The following NECTIN1 variants were observed in gnomAD, a reference collection of about 807,000 sequenced individuals.
NECTIN1 encodes nectin-1.
NECTIN1 carries 23 observed loss-of-function variants against 48.0 expected under a neutral mutation model. The observed-to-expected ratio is 0.48, with a 90% confidence interval of 0.34 to 0.68. NECTIN1 has a LOEUF of 0.68. Ranked by LOEUF, NECTIN1 falls within the 30% of genes least tolerant of loss-of-function variation. The pLI is 0.01. For missense variants in NECTIN1, 591 were observed against 709.9 expected, an observed-to-expected ratio of 0.83 and a Z score of 1.90; for synonymous variants, 270 against 288.9, an observed-to-expected ratio of 0.93 and a Z score of 0.66.
Position 119,669,492 on chromosome 11 carries a change from T to C in NECTIN1, c.1004-4195A>G, listed in dbSNP as rs1411457971. ...ACCACCCTGATCCAAGATACTCTCATCTTTCATCTGGATTATTGATTGCAA... is the reference window on the plus strand; with the variant it reads ...ACCACCCTGATCCAAGATACTCTCACCTTTCATCTGGATTATTGATTGCAA... On this transcript the variant is annotated intron_variant, in intron 5 of 5. Transcript: ENST00000264025. 2.6e-5 allele frequency among the ~76,000 whole-genome samples: 4 copies of C among 151,978 alleles called. No homozygotes were observed. In the South Asian group the frequency reaches 8.3e-4, roughly 32 times the overall value.
In NECTIN1 at chr11:119,664,674, TG is replaced by T; in HGVS notation, c.*72del. ...TCTGTTCAGCTCCTGGAGTGGGAGG[TG>T]GGGGGTGGGCAGGGGGCGTGCGGGG... On this transcript the variant is annotated 3_prime_UTR_variant, in exon 6 of 6. Coordinates refer to ENST00000264025, the MANE Select transcript of NECTIN1 (RefSeq NM_002855.5). The T allele has an allele frequency of 8.9e-6, 6 of 674,856 alleles. No homozygotes were observed. Among genetic ancestry groups the T allele is most frequent in the South Asian group, 2.1e-5 (1 of 48,228 alleles). 41.8% of individuals were successfully genotyped at this position (674,856 alleles called of 1,614,324 possible).
At chr11:119,686,676 C>T (rs1865162213) in intron 1 of NECTIN1, among the ~76,000 whole-genome samples, 1 of 152,164 alleles carries the variant, frequency 6.6e-6, no homozygotes, top group Admixed American at 6.5e-5. Context: ...AGGTTGCTGC[C>T]TCGGCGAAAA....
intron 1 of NECTIN1, among the ~76,000 whole-genome samples, chr11:119,698,301 C>T (rs1049656639): frequency 1.1e-4 from 16 of 152,258 alleles, no homozygotes; most frequent in Admixed American, 5.9e-4. Flanking sequence ...ACCCCCGACA[C>T]TGGCAAGGTT....
chr11:119,723,816 G>A (rs147280542), intron 1 of NECTIN1, among the ~76,000 whole-genome samples: 15 of 152,224 alleles, frequency 9.9e-5, no homozygotes, highest in East Asian at 3.9e-4. Context: ...AAGGTGATCC[G>A]TGCTCAGATC....
Position 119,677,050 on chromosome 11 carries a change from G to T in NECTIN1, c.851+52C>A. 6.7e-7 allele frequency: 1 copy of T among 1,491,488 alleles called. No homozygotes were observed. The highest frequency in any genetic ancestry group is 9.4e-7 in the Non-Finnish European group (1 of 1,068,554). 92.4% of individuals were successfully genotyped at this position (1,491,488 alleles called of 1,614,324 possible). On this transcript the variant is annotated intron_variant, in intron 4 of 5. Coordinates refer to ENST00000264025, the MANE Select transcript of NECTIN1 (RefSeq NM_002855.5). This position sits in a 1 kb window ranked among gnomAD's most constrained non-coding sequence, Gnocchi z 5.4. ...GTAGGATGGTTGCCCCTCATCACCC[G>T]TGGTCCAGTCAGCTGTCTTCCAAGG...
In NECTIN1 at chr11:119,676,009, GA is replaced by G. The variant is rs33954161; in HGVS notation, c.852-700del. Among the ~76,000 whole-genome samples the G allele has an allele frequency of 5.5e-3, 785 of 143,240 alleles. 7 individuals carry two copies. Among genetic ancestry groups the G allele is most frequent in the Non-Finnish European group, 8.4e-3 (548 of 65,018 alleles). 94.0% of individuals were successfully genotyped at this position (143,240 alleles called of 152,430 possible). A position where few individuals can be genotyped will look rare whatever the true frequency, so the allele number is the denominator to read the frequency against. On this transcript the variant is annotated intron_variant, in intron 4 of 5. Coordinates refer to ENST00000264025, the MANE Select transcript of NECTIN1 (RefSeq NM_002855.5). ...TGACAGAGTGAAAATCCGTCTCAAAGAAAAAAAAAAAAATAATAATACAGAT... is the reference window on the plus strand; with the variant it reads ...TGACAGAGTGAAAATCCGTCTCAAAGAAAAAAAAAAAATAATAATACAGAT...
intron 5 of NECTIN1, among the ~76,000 whole-genome samples, chr11:119,644,880 G>A (rs556370461): frequency 2.6e-5 from 4 of 152,274 alleles, no homozygotes; most frequent in African/African-American, 7.2e-5. Context: ...GGCAGAGCAT[G>A]CTCAGAGGTT....
intron 4 of NECTIN1, chr11:119,675,669 C>T (rs550735928): frequency 3.8e-4 from 103 of 272,786 alleles, no homozygotes; most frequent in African/African-American, 1.8e-3. Flanking sequence ...TTTCCATTCA[C>T]GTCTCATGGT....
chr11:119,685,610 C>T (rs981678587), intron 1 of NECTIN1, among the ~76,000 whole-genome samples: 1 of 152,236 alleles, frequency 6.6e-6, no homozygotes, highest in African/African-American at 2.4e-5. Context: ...GTCCTGCAGG[C>T]CTGTTTCATG....
chr11:119,721,974 G>A (rs746248147), intron 1 of NECTIN1, among the ~76,000 whole-genome samples: 29 of 152,366 alleles, frequency 1.9e-4, no homozygotes, highest in East Asian at 9.6e-4. Context: ...TGTAGGAGGC[G>A]TGTGAGCTGG....
rs111697195 is a variant in NECTIN1 at position 119,716,841 on chromosome 11, C to T, written c.79+11634G>A. Among the ~76,000 whole-genome samples the T allele has an allele frequency of 4.1e-3, 621 of 152,338 alleles. 5 individuals are homozygous for T. The highest frequency in any genetic ancestry group is 0.014 in the African/African-American group (578 of 41,590). On this transcript the variant is annotated intron_variant, in intron 1 of 5. Transcript: ENST00000264025. ...CGATCAGAGTCTAATCAGAAGCAGG[C>T]GCGTGCACACGCGCGCGCACGCACG...
rs975340768 is a variant in NECTIN1, at chr11:119,690,686, C to A, written c.80-11921G>T. Among the ~76,000 whole-genome samples the A allele has an allele frequency of 3.9e-5, 6 of 152,162 alleles. 1 individual carries two copies. Among genetic ancestry groups the A allele is most frequent in the Non-Finnish European group, 8.8e-5 (6 of 68,038 alleles). On this transcript the variant is annotated intron_variant, in intron 1 of 5. Transcript: ENST00000264025. ...TGTGTTCCCTTGGCTGATGAGAGAACCCAAACCCCACAGAGGGGAGACCAG... is the reference window on the plus strand; with the variant it reads ...TGTGTTCCCTTGGCTGATGAGAGAAACCAAACCCCACAGAGGGGAGACCAG...
chr11:119,664,306 T>TG lies in NECTIN1; in HGVS notation c.*440dup. 1 of 1,002,894 alleles carries TG rather than the reference T, an allele frequency of 1.0e-6. No individual in the cohort carries two copies. The highest frequency in any genetic ancestry group is 1.2e-6 in the Non-Finnish European group (1 of 840,338). 62.1% of individuals were successfully genotyped at this position (1,002,894 alleles called of 1,614,324 possible). ...TCTAGCCGGGAGGAGGAGCAGCATC[T>TG]GGGGGTGTGGGGAGCTTTTCCCTCT... On this transcript the variant is annotated 3_prime_UTR_variant, in exon 6 of 6. Transcript: ENST00000264025.
At position 119,710,659 on chromosome 11, in the gene NECTIN1, T is replaced by C. The variant is rs77192785; in HGVS notation, c.79+17816A>G. On this transcript the variant is annotated intron_variant, in intron 1 of 5. Coordinates refer to ENST00000264025, the MANE Select transcript of NECTIN1 (RefSeq NM_002855.5). ...GAGTTTGCCAGCTGGTGAAGTAGGG[T>C]CCTCCAGGCAGAGGAGACAGGAACA... 0.013 allele frequency among the ~76,000 whole-genome samples: 1,952 copies of C among 151,908 alleles called. 93 individuals carry two copies. The East Asian group carries it at 0.14, about 11-fold the overall frequency.
At chr11:119,654,880 C>G (rs1445062826) in intron 5 of NECTIN1, among the ~76,000 whole-genome samples, 1 of 149,040 alleles carries the variant, frequency 6.7e-6, no homozygotes, top group Non-Finnish European at 1.5e-5. Context: ...AGGGACTTTT[C>G]TTTAAAAATA....
chr11:119,645,049 G>A (rs1331490753), intron 5 of NECTIN1, among the ~76,000 whole-genome samples: 1 of 152,160 alleles, frequency 6.6e-6, no homozygotes, highest in Non-Finnish European at 1.5e-5. Flanking sequence ...TGGCACTTCT[G>A]CCCCTGAAGC....
At position 119,678,970 on chromosome 11, in the gene NECTIN1, C is replaced by T. The variant is rs1344069368; in HGVS notation, c.80-205G>A. 2.6e-5 allele frequency among the ~76,000 whole-genome samples: 4 copies of T among 152,200 alleles called. No individual in the cohort carries two copies. The highest frequency in any genetic ancestry group is 6.5e-5 in the Admixed American group (1 of 15,288). On this transcript the variant is annotated intron_variant, in intron 1 of 5. Coordinates refer to ENST00000264025, the MANE Select transcript of NECTIN1 (RefSeq NM_002855.5). This position sits in a 1 kb window ranked among gnomAD's most constrained non-coding sequence, Gnocchi z 4.4. Reference sequence around the variant, plus strand: ...AAGTGACAACATCCCATGATCCTTCCGCTCAGGATAATCTTGAAGGATCTA... The same window carrying T: ...AAGTGACAACATCCCATGATCCTTCTGCTCAGGATAATCTTGAAGGATCTA...
At chr11:119,721,057 G>A (rs1865821421) in intron 1 of NECTIN1, among the ~76,000 whole-genome samples, 1 of 152,252 alleles carries the variant, frequency 6.6e-6, no homozygotes, top group Admixed American at 6.5e-5. Context: ...AGGCTGTTGC[G>A]AGGACTCCAG....
intron 1 of NECTIN1, among the ~76,000 whole-genome samples, chr11:119,687,568 C>T (rs779751956): frequency 3.9e-5 from 6 of 152,178 alleles, no homozygotes; most frequent in Non-Finnish European, 7.3e-5. Flanking sequence ...TTTCCCTCGG[C>T]AAGTGTGCAT....
Sources: gnomAD v4.1 joint callset for allele counts (sites outside exome capture counted in the v4.1 genomes callset) on GRCh38, gnomAD v4.1.1 for gene constraint, Gnocchi (gnomAD v3.1) non-coding constraint, MANE v1.5 for transcripts, NCBI Gene and HGNC (gene_info 2026-07-23, HGNC 2026-07-21) for gene names.